The following CNTNAP2 variants were observed in gnomAD, a reference collection of about 807,000 sequenced individuals.
CNTNAP2 encodes the protein contactin associated protein 2.
A neutral mutation model predicts 155.2 loss-of-function variants in CNTNAP2; 98 were observed. That is an observed-to-expected ratio of 0.63 (90% confidence interval 0.54 to 0.75). The LOEUF (loss-of-function observed/expected upper bound fraction) is 0.75, where lower values mean the gene tolerates loss of function less well. CNTNAP2 is among the 30% of genes least tolerant of loss of function. CNTNAP2 has a pLI of 0.00. For synonymous variants in CNTNAP2, 651 were observed against 631.2 expected, an observed-to-expected ratio of 1.03 and a Z score of -0.47; for missense variants, 1,727 against 1,688.1, an observed-to-expected ratio of 1.02 and a Z score of -0.40.
At chr7:147,837,145 G>T (rs138788811) in intron 13 of CNTNAP2, among the ~76,000 whole-genome samples, 1 of 152,084 alleles carries the variant, frequency 6.6e-6, no homozygotes, top group African/African-American at 2.4e-5. Flanking sequence ...AGACATATCC[G>T]AGACTGGGCA....
chr7:148,353,798 A>T (rs1196180842), intron 21 of CNTNAP2, among the ~76,000 whole-genome samples: 1 of 152,240 alleles, frequency 6.6e-6, no homozygotes, highest in African/African-American at 2.4e-5. Context: ...TAGGCATTTA[A>T]AATAAGTACA....
At chr7:147,340,030 A>G (rs945170394) in intron 9 of CNTNAP2, among the ~76,000 whole-genome samples, 5 of 152,274 alleles carry the variant, frequency 3.3e-5, no homozygotes, top group South Asian at 2.1e-4. Flanking sequence ...TCTGTCACCA[A>G]TGGCATTGGA....
At chr7:147,103,842 G>A (rs1032078476) in intron 4 of CNTNAP2, among the ~76,000 whole-genome samples, 64 of 151,912 alleles carry the variant, frequency 4.2e-4, no homozygotes, top group Admixed American at 5.2e-4. Flanking sequence ...CTAAGAAAAC[G>A]TCAGACAAAT....
chr7:146,578,792 C>T lies in CNTNAP2; in HGVS notation c.98-195479C>T, dbSNP rs116477394. ...CTTATACTCCTTACCACATGTTATG[C>T]ACTTATAACTGTGGGTTTGTTACTC... On this transcript the variant is annotated intron_variant, in intron 1 of 23. Coordinates refer to ENST00000361727, the MANE Select transcript of CNTNAP2 (RefSeq NM_014141.6). 2.9e-3 allele frequency among the ~76,000 whole-genome samples: 448 copies of T among 152,232 alleles called. 1 individual carries two copies. Among genetic ancestry groups the T allele is most frequent in the African/African-American group, 0.01 (423 of 41,552 alleles).
intron 8 of CNTNAP2, among the ~76,000 whole-genome samples, chr7:147,190,821 C>T (rs1402387194): frequency 6.6e-6 from 1 of 152,154 alleles, no homozygotes; most frequent in Non-Finnish European, 1.5e-5. Flanking sequence ...TAACATTATA[C>T]TTACATAAAG....
At chr7:146,444,659 CT>C (rs1195979525) in intron 1 of CNTNAP2, among the ~76,000 whole-genome samples, 1 of 144,656 alleles carries the variant, frequency 6.9e-6, no homozygotes, top group African/African-American at 2.9e-5. Context: ...GATCCTCTCT[CT>C]CTTTTTTTTT....
At chr7:147,547,217 G>A (rs1239824188) in intron 11 of CNTNAP2, among the ~76,000 whole-genome samples, 1 of 152,128 alleles carries the variant, frequency 6.6e-6, no homozygotes, top group Non-Finnish European at 1.5e-5. Flanking sequence ...GATAATCCCT[G>A]TATTACAGCT....
intron 20 of CNTNAP2, among the ~76,000 whole-genome samples, chr7:148,239,178 G>C (rs1301877364): frequency 6.6e-6 from 1 of 152,204 alleles, no homozygotes; most frequent in African/African-American, 2.4e-5. Context: ...CAAGAATAAT[G>C]ATGAGCCATT....
chr7:147,637,498 C>T (rs1027968998), intron 12 of CNTNAP2, among the ~76,000 whole-genome samples: 1 of 152,130 alleles, frequency 6.6e-6, no homozygotes, highest in African/African-American at 2.4e-5. Context: ...TTCAATAAGT[C>T]TCTTTTAATC....
At chr7:146,167,871 G>A (rs1283393417) in intron 1 of CNTNAP2, among the ~76,000 whole-genome samples, 1 of 152,180 alleles carries the variant, frequency 6.6e-6, no homozygotes, top group Non-Finnish European at 1.5e-5. Context: ...AAGTCCCAAA[G>A]CCTCAAAAGT....
intron 3 of CNTNAP2, among the ~76,000 whole-genome samples, chr7:146,859,630 G>A (rs772136813): frequency 4.0e-5 from 6 of 151,862 alleles, no homozygotes; most frequent in African/African-American, 7.3e-5. Flanking sequence ...TTGCACTCCA[G>A]CCTGGGAAAG....
intron 21 of CNTNAP2, among the ~76,000 whole-genome samples, chr7:148,297,415 T>G (rs1488300371): frequency 1.3e-5 from 2 of 152,156 alleles, no homozygotes; most frequent in African/African-American, 4.8e-5. Context: ...CAGAGATTAA[T>G]TACAGCCACT....
At chr7:148,078,333 C>A (rs967010158) in intron 15 of CNTNAP2, among the ~76,000 whole-genome samples, 1 of 53,622 alleles carries the variant, frequency 1.9e-5, no homozygotes, top group African/African-American at 8.2e-5. Context: ...CAAAGTTCTG[C>A]GATTACAGGC....
At chr7:146,407,702 A>T (rs1355140986) in intron 1 of CNTNAP2, among the ~76,000 whole-genome samples, 1 of 152,104 alleles carries the variant, frequency 6.6e-6, no homozygotes, top group Non-Finnish European at 1.5e-5. Context: ...TGGTCAATGA[A>T]CATTGAATAT....
intron 12 of CNTNAP2, among the ~76,000 whole-genome samples, chr7:147,626,653 C>T (rs1213907985): frequency 2.0e-5 from 3 of 152,260 alleles, no homozygotes; most frequent in Admixed American, 6.5e-5. Flanking sequence ...TAGATCCCTC[C>T]ACTAATACTG....
intron 13 of CNTNAP2, among the ~76,000 whole-genome samples, chr7:147,692,605 A>C (rs1188255773): frequency 6.6e-6 from 1 of 152,096 alleles, no homozygotes; most frequent in East Asian, 1.9e-4. Context: ...CTCTGATGAC[A>C]TGAGCATTTT....
chr7:147,974,908 C>T (rs1179500332), intron 14 of CNTNAP2, among the ~76,000 whole-genome samples: 1 of 151,542 alleles, frequency 6.6e-6, no homozygotes, highest in Non-Finnish European at 1.5e-5. Flanking sequence ...TGGAAACATC[C>T]AAATGACAAT....
intron 4 of CNTNAP2, among the ~76,000 whole-genome samples, chr7:147,048,691 T>TTTAA (rs2129257717): frequency 6.6e-6 from 1 of 152,300 alleles, no homozygotes; most frequent in Admixed American, 6.5e-5. Context: ...GGAACCAAAT[T>TTTAA]TTTAATTTAA....
chr7:146,755,147 G>C (rs956409677), intron 1 of CNTNAP2, among the ~76,000 whole-genome samples: 2 of 151,926 alleles, frequency 1.3e-5, no homozygotes, highest in Non-Finnish European at 2.9e-5. Context: ...ATTTGTGCCT[G>C]TAAACCTATA....
Sources: gnomAD v4.1 joint callset for allele counts (sites outside exome capture counted in the v4.1 genomes callset) on GRCh38, gnomAD v4.1.1 for gene constraint, MANE v1.5 for transcripts, NCBI Gene and HGNC (gene_info 2026-07-23, HGNC 2026-07-21) for gene names.